Variants in LPP observed in about 807,000 individuals in gnomAD.
The protein encoded by LPP is lipoma-preferred partner.
Under a neutral mutation model 60.4 loss-of-function variants are expected in LPP, and 38 were observed. The observed-to-expected ratio is 0.63, with a 90% CI of 0.49 to 0.83. The LOEUF is 0.83. LPP is among the 40% of genes least tolerant of loss of function. The pLI is 0.00. For synonymous variants in LPP, 328 were observed against 290.8 expected (o/e 1.13, Z -1.30); for missense variants, 902 against 783.6 (o/e 1.15, Z -1.80).
In LPP at chr3:188,847,072, A is replaced by C. The variant is rs142284166; in HGVS notation, c.1411-19128A>C. 3.2e-3 allele frequency among the ~76,000 whole-genome samples: 487 copies of C among 152,336 alleles called. 1 individual carries two copies. The highest frequency in any genetic ancestry group is 0.011 in the African/African-American group (465 of 41,576). ...TTTAAAATTTGGGAAATTTTACATA[A>C]AAATCTAGATTTTCGAGCTTCTATT... On this transcript the variant is annotated intron_variant, in intron 9 of 11. Coordinates refer to ENST00000617246, the MANE Select transcript of LPP (RefSeq NM_001375462.1).
At chr3:188,598,256 TGA>T (rs962424290) in intron 6 of LPP, among the ~76,000 whole-genome samples, 13 of 152,134 alleles carry the variant, frequency 8.5e-5, no homozygotes, top group African/African-American at 3.1e-4. Context: ...TGAGAACTCT[TGA>T]GAGATTTTAA....
intron 9 of LPP, among the ~76,000 whole-genome samples, chr3:188,793,001 G>A (rs1188922872): frequency 1.3e-5 from 2 of 152,126 alleles, no homozygotes; most frequent in African/African-American, 2.4e-5. Flanking sequence ...TGCACTGCGA[G>A]TCAGTATGCC....
chr3:188,634,192 C>A (rs1848317222), intron 7 of LPP, among the ~76,000 whole-genome samples: 1 of 152,200 alleles, frequency 6.6e-6, no homozygotes, highest in Non-Finnish European at 1.5e-5. Flanking sequence ...AATGACCACT[C>A]TGATATTTTC....
chr3:188,715,545 A>G (rs538811771), intron 8 of LPP, among the ~76,000 whole-genome samples: 98 of 152,314 alleles, frequency 6.4e-4, no homozygotes, highest in African/African-American at 2.3e-3. Context: ...AAATTGGGAC[A>G]TCTACAGGGC....
At chr3:188,728,884 A>G (rs1719391116) in intron 8 of LPP, among the ~76,000 whole-genome samples, 1 of 152,152 alleles carries the variant, frequency 6.6e-6, no homozygotes. Flanking sequence ...TGAAAAAAAA[A>G]AAAATGTACC....
chr3:188,266,194 C>G (rs1735467096), intron 2 of LPP, among the ~76,000 whole-genome samples: 1 of 152,048 alleles, frequency 6.6e-6, no homozygotes, highest in Non-Finnish European at 1.5e-5. Flanking sequence ...GCAGCAGCAG[C>G]ACTCCCCTCC....
intron 9 of LPP, among the ~76,000 whole-genome samples, chr3:188,768,040 G>C (rs1031858250): frequency 3.3e-5 from 5 of 152,028 alleles, no homozygotes; most frequent in African/African-American, 4.8e-5. Context: ...AAGACACTCA[G>C]CATAGATACA....
intron 4 of LPP, among the ~76,000 whole-genome samples, chr3:188,451,411 A>C (rs1796564304): frequency 6.6e-6 from 1 of 152,200 alleles, no homozygotes; most frequent in African/African-American, 2.4e-5. Context: ...TGGTGTTGTC[A>C]AGGAAGGCCA....
intron 9 of LPP, among the ~76,000 whole-genome samples, chr3:188,771,268 G>A (rs1319892588): frequency 6.6e-6 from 1 of 151,962 alleles, no homozygotes; most frequent in Non-Finnish European, 1.5e-5. Context: ...GAAAAAAGAG[G>A]CCGGGCACAG....
At chr3:188,460,856 G>A (rs1019847072) in intron 4 of LPP, among the ~76,000 whole-genome samples, 11 of 152,088 alleles carry the variant, frequency 7.2e-5, no homozygotes, top group African/African-American at 9.7e-5. Flanking sequence ...CTGTCCCCCA[G>A]CCAGACCTCA....
At chr3:188,779,226 TGATGATAGTGTGCTTGA>T (rs1452988962) in intron 9 of LPP, among the ~76,000 whole-genome samples, 1 of 152,164 alleles carries the variant, frequency 6.6e-6, no homozygotes, top group Non-Finnish European at 1.5e-5. Flanking sequence ...AAAAAGTACC[TGATGATAGTGTGCTTGA>T]GAGATAGGGG....
At chr3:188,301,585 T>C (rs1749881667) in intron 2 of LPP, among the ~76,000 whole-genome samples, 1 of 152,154 alleles carries the variant, frequency 6.6e-6, no homozygotes, top group Non-Finnish European at 1.5e-5. Flanking sequence ...TTAAAAATAA[T>C]TTTCTTGAGG....
chr3:188,652,986 A>T (rs1414937530), intron 7 of LPP, among the ~76,000 whole-genome samples: 1 of 152,106 alleles, frequency 6.6e-6, no homozygotes, highest in Non-Finnish European at 1.5e-5. Flanking sequence ...AACCTCTAAC[A>T]CTGGTTTGGA....
rs141740297 is a variant in LPP, at chr3:188,408,829, T to C, written c.193+2516T>C. ...CTCTATGATTTGCTTGGAGTATGTT[T>C]CTGAACTAAGGCTGCTGTCCATATC... On this transcript the variant is annotated intron_variant, in intron 4 of 11. Transcript: ENST00000617246. Among the ~76,000 whole-genome samples the C allele has an allele frequency of 3.5e-3, 527 of 152,268 alleles. 9 individuals carry two copies. Among genetic ancestry groups the C allele is most frequent in the African/African-American group, 0.012 (515 of 41,536 alleles).
rs953838353 is a variant in LPP at position 188,465,229 on chromosome 3, TTCTGG to T, written c.194-19362_194-19358del. Reference sequence around the variant, plus strand: ...GAAGTGACACCTTGTTGAATTCCATTTCTGGATTACTCTGTTTTTATTTTCATCTA... The same window carrying T: ...GAAGTGACACCTTGTTGAATTCCATTATTACTCTGTTTTTATTTTCATCTA... On this transcript the variant is annotated intron_variant, in intron 4 of 11. Transcript: ENST00000617246. Among the ~76,000 whole-genome samples the T allele has an allele frequency of 6.6e-4, 100 of 152,286 alleles. 1 individual carries two copies. The highest frequency in any genetic ancestry group is 2.3e-3 in the African/African-American group (96 of 41,580).
intron 2 of LPP, among the ~76,000 whole-genome samples, chr3:188,321,033 C>G (rs1272913892): frequency 3.3e-5 from 5 of 152,188 alleles, no homozygotes; most frequent in Admixed American, 3.3e-4. Flanking sequence ...CCATTTCTCC[C>G]TCTGGCGTTT....
intron 1 of LPP, among the ~76,000 whole-genome samples, chr3:188,195,495 T>C (rs1479539313): frequency 6.6e-6 from 1 of 152,192 alleles, no homozygotes; most frequent in Non-Finnish European, 1.5e-5. Flanking sequence ...CATCCTTCCA[T>C]TCATTTTGTC....
chr3:188,406,480 C>A (rs1456220515), intron 4 of LPP, among the ~76,000 whole-genome samples, 167 bp downstream of exon 4: 1 of 152,196 alleles, frequency 6.6e-6, no homozygotes, highest in Non-Finnish European at 1.5e-5. Flanking sequence ...TAGACCAACC[C>A]CGTCTTTTAG....
At chr3:188,163,951 CAA>C (rs34632883) in intron 1 of LPP, among the ~76,000 whole-genome samples, 30 of 115,082 alleles carry the variant, frequency 2.6e-4, no homozygotes, top group African/African-American at 2.5e-4. Context: ...ACTCTGTCTC[CAA>C]AAAAAAAAAA....
Sources: gnomAD v4.1 joint callset for allele counts (sites outside exome capture counted in the v4.1 genomes callset) on GRCh38, gnomAD v4.1.1 for gene constraint, MANE v1.5 for transcripts, NCBI Gene and HGNC (gene_info 2026-07-23, HGNC 2026-07-21) for gene names.